MYO9B: variants seen among roughly 807,000 people sequenced by gnomAD.
The protein encoded by MYO9B is unconventional myosin-IXb.
MYO9B carries 71 observed loss-of-function variants against 229.5 expected under a neutral mutation model. The observed-to-expected ratio is 0.31, with a 90% CI of 0.26 to 0.38. The LOEUF is 0.38. Among genes scored for constraint, MYO9B ranks in the 10% least tolerant of loss-of-function variants. The probability of loss-of-function intolerance (pLI) is 1.00; values close to 1 mark genes in which losing one functional copy is unlikely to be tolerated. For missense variants in MYO9B, 2,255 were observed against 2,920.5 expected (o/e 0.77, Z 5.25); for synonymous variants, 1,185 against 1,235.8 (o/e 0.96, Z 0.86).
chr19:17,160,586 C>T (rs1005327257), intron 8 of MYO9B, among the ~76,000 whole-genome samples: 5 of 149,928 alleles, frequency 3.3e-5, no homozygotes, highest in Non-Finnish European at 7.4e-5. Flanking sequence ...CAGCTCACTG[C>T]AACCTCTGCC....
chr19:17,177,030 G>A (rs10419458), intron 14 of MYO9B, among the ~76,000 whole-genome samples: 8,845 of 152,050 alleles, frequency 0.058, 338 homozygotes, highest in African/African-American at 0.099. Flanking sequence ...GTGAAACCTC[G>A]TCTCTACTAA....
chr19:17,200,796 G>A lies in MYO9B; in HGVS notation c.4530G>A (p.Glu1510=). 1 of 1,614,044 alleles carries A rather than the reference G, an allele frequency of 6.2e-7. No homozygotes were observed. The highest frequency in any genetic ancestry group is 8.5e-7 in the Non-Finnish European group (1 of 1,179,900). ...TCCGCCAGATCACCAACGCCAATGA[G>A]CTCAAGTACCTGGACGAGTTCCTGC... ...SVFRQITNAN[E]LKYLDEFLLN... The change falls in exon 26 of 40, where the codon GAG becomes GAA. Residue 1510 remains glutamate, a synonymous_variant. Transcript: ENST00000682292.
At chr19:17,203,019 C>T in intron 29 of MYO9B, 128 bp from the exon 30 acceptor site, 9 of 1,379,550 alleles carry the variant, frequency 6.5e-6, no homozygotes, top group East Asian at 2.5e-5. Flanking sequence ...GTGTGTTTTT[C>T]CCCCGGCATA....
Position 17,193,410 on chromosome 19 carries a change from C to T in MYO9B, c.3128+348C>T, listed in dbSNP as rs571121191. Among the ~76,000 whole-genome samples the T allele has an allele frequency of 2.1e-4, 32 of 152,218 alleles. No homozygotes were observed. In the South Asian group the frequency reaches 6.6e-3, roughly 32 times the overall value. ...ACTCACATGGAGCTGGGGCATCCAC[C>T]GGGCACAGAGAAGCCCCCAGGAGGA... On this transcript the variant is annotated intron_variant, in intron 21 of 39. Transcript: ENST00000682292. The surrounding 1 kb of genome is among the most constrained non-coding windows in gnomAD (Gnocchi z 4.3).
intron 14 of MYO9B, among the ~76,000 whole-genome samples, chr19:17,180,343 T>C (rs12982757): frequency 0.36 from 15,140 of 41,816 alleles, 2,807 homozygotes; most frequent in African/African-American, 0.62. Flanking sequence ...TGGAAATAAT[T>C]TTTTTTTTTT....
At chr19:17,204,376 T>G (rs2073138165) in intron 30 of MYO9B, among the ~76,000 whole-genome samples, 1 of 148,776 alleles carries the variant, frequency 6.7e-6, no homozygotes, top group Non-Finnish European at 1.5e-5. Context: ...GTTCTGCCAG[T>G]AGGTGGCCTT....
At chr19:17,178,331 G>C (rs902267207) in intron 14 of MYO9B, 1 of 152,212 alleles carries the variant, frequency 6.6e-6, no homozygotes, top group Non-Finnish European at 1.5e-5. Flanking sequence ...AGCAGGATGC[G>C]GTAGCACGCA....
At chr19:17,143,175 A>T (rs1352175839) in intron 2 of MYO9B, among the ~76,000 whole-genome samples, 2 of 151,774 alleles carry the variant, frequency 1.3e-5, no homozygotes, top group Non-Finnish European at 2.9e-5. Flanking sequence ...GGAGGTGGAG[A>T]TTGCCGTGAG....
Position 17,183,747 on chromosome 19 carries a change from G to T in MYO9B, c.2334-82G>T, listed in dbSNP as rs902902731. 3.2e-6 allele frequency: 4 copies of T among 1,239,924 alleles called. No homozygotes were observed. The Admixed American group carries it at 9.7e-5, about 30-fold the overall frequency. 76.8% of individuals were successfully genotyped at this position (1,239,924 alleles called of 1,614,324 possible). ...CTCTCTGTGTCTCTCAGTCTAACCC[G>T]CCAGGCGTGGCTTGCTGAACTAACC... On this transcript the variant is annotated intron_variant, in intron 15 of 39. Transcript: ENST00000682292.
chr19:17,110,317 T>G (rs2057835494), intron 2 of MYO9B, among the ~76,000 whole-genome samples: 1 of 152,144 alleles, frequency 6.6e-6, no homozygotes, highest in South Asian at 2.1e-4. Context: ...TTTCACCAAG[T>G]CTAGGGGCTG....
At chr19:17,131,270 T>C (rs1446812496) in intron 2 of MYO9B, among the ~76,000 whole-genome samples, 2 of 152,172 alleles carry the variant, frequency 1.3e-5, no homozygotes, top group South Asian at 4.1e-4. Context: ...ATGAGTACCA[T>C]TGAATAATCC....
chr19:17,117,230 A>G (rs947954011), intron 2 of MYO9B, among the ~76,000 whole-genome samples: 23 of 152,310 alleles, frequency 1.5e-4, no homozygotes, highest in Non-Finnish European at 2.8e-4. Context: ...AATCAGCCAC[A>G]GGGCCTGGCT....
intron 1 of MYO9B, among the ~76,000 whole-genome samples, chr19:17,083,543 A>G (rs2057554096): frequency 6.6e-6 from 1 of 152,080 alleles, no homozygotes; most frequent in Non-Finnish European, 1.5e-5. Flanking sequence ...TGGAGGGCAG[A>G]GTCAGCTCTG....
At chr19:17,115,423 C>G (rs1012591994) in intron 2 of MYO9B, among the ~76,000 whole-genome samples, 1 of 150,476 alleles carries the variant, frequency 6.6e-6, no homozygotes, top group Non-Finnish European at 1.5e-5. Flanking sequence ...TCCACCGCTT[C>G]GTAGAATGTT....
chr19:17,180,981 G>C lies in MYO9B; in HGVS notation c.2274G>C (p.Glu758Asp). 1 of 1,611,306 alleles carries C rather than the reference G, an allele frequency of 6.2e-7. No individual in the cohort carries two copies. The highest frequency in any genetic ancestry group is 1.1e-5 in the South Asian group (1 of 90,330). Residue 758 changes from glutamate (E) to aspartate (D), a missense_variant, in exon 15 of 40, where the codon GAG (glutamate) becomes GAC (aspartate). Physicochemically the swap from Glu to Asp is conservative, Grantham distance 45. This residue lies in a region of MYO9B where 155 missense variants were observed against 159.1 expected (regional missense o/e 0.97). Coordinates refer to ENST00000682292, the MANE Select transcript of MYO9B (RefSeq NM_004145.4). The stretch of plus-strand genomic sequence containing the variant: ...TCAAAGGATTGCCCTGGCAGGGCGA[G>C]GACCCCCGTAGCCTTCTCCAGTCCC... ...KSIKGLPWQG[E>D]DPRSLLQSLS...
intron 10 of MYO9B, 59 bp from the exon 11 acceptor site, chr19:17,167,884 A>G: frequency 6.5e-7 from 1 of 1,539,702 alleles, no homozygotes; most frequent in African/African-American, 1.4e-5. Flanking sequence ...AATATATGTT[A>G]TGTAGATATT....
intron 15 of MYO9B, among the ~76,000 whole-genome samples, chr19:17,183,030 T>G (rs1433288913): frequency 2.0e-5 from 3 of 152,112 alleles, no homozygotes; most frequent in Non-Finnish European, 4.4e-5. Context: ...GAAGCAGTTC[T>G]CCTGCCTCAG....
At position 17,200,274 on chromosome 19, in the gene MYO9B, C is replaced by A. The variant is rs1389598434; in HGVS notation, c.4239-19C>A. 6.2e-7 allele frequency: 1 copy of A among 1,600,380 alleles called. No individual in the cohort carries two copies. The highest frequency in any genetic ancestry group is 8.5e-7 in the Non-Finnish European group (1 of 1,175,680). ...TTTTCATTTCAGACTTAAAAGAAGC[C>A]ACGTACTTTCTCCTGCAGATCCACG... On this transcript the variant is annotated intron_variant, in intron 24 of 39. Transcript: ENST00000682292.
At position 17,101,984 on chromosome 19, in the gene MYO9B, G is replaced by A; in HGVS notation, c.267G>A (p.Leu89=). The change falls in exon 2 of 40, where the codon CTG becomes CTA. Residue 89 remains leucine, a synonymous_variant. Transcript: ENST00000682292. The surrounding 1 kb of genome is among the most constrained non-coding windows in gnomAD (Gnocchi z 4.7). ...DANDSPVHRV[L]LWPRRAQDEH... ...ACGACTCGCCTGTGCACCGGGTGCT[G>A]CTATGGCCCCGGCGGGCACAGGACG... 6.2e-7 allele frequency: 1 copy of A among 1,613,230 alleles called. No homozygotes were observed. The highest frequency in any genetic ancestry group is 8.5e-7 in the Non-Finnish European group (1 of 1,179,878).
Sources: allele counts gnomAD v4.1 joint callset (sites outside exome capture counted in the v4.1 genomes callset), GRCh38; gene constraint gnomAD v4.1.1; regional missense constraint gnomAD v4.1.1; non-coding constraint Gnocchi (gnomAD v3.1); transcripts MANE v1.5; gene names NCBI Gene and HGNC (gene_info 2026-07-23, HGNC 2026-07-21).